Variants in OLFM3 observed in about 807,000 individuals in gnomAD.
The protein encoded by OLFM3 is olfactomedin 3.
Under a neutral mutation model 48.6 loss-of-function variants are expected in OLFM3, and 20 were observed. The observed-to-expected ratio is 0.41, with a 90% confidence interval of 0.29 to 0.60. The LOEUF is 0.60. Ranked by LOEUF, OLFM3 falls within the 20% of genes least tolerant of loss-of-function variation. The pLI, the probability that OLFM3 is intolerant of heterozygous loss-of-function variation, is 0.28. For missense variants in OLFM3, 437 were observed against 544.3 expected (o/e 0.80, Z 1.96); for synonymous variants, 222 against 198.1 (o/e 1.12, Z -1.01).
chr1:101,868,550 A>C (rs1656946285), intron 1 of OLFM3, among the ~76,000 whole-genome samples: 1 of 152,250 alleles, frequency 6.6e-6, no homozygotes, highest in Admixed American at 6.5e-5. Flanking sequence ...CAGAACATAC[A>C]AATTTGGAAA....
chr1:101,828,358 C>A (rs1184394431), intron 3 of OLFM3, among the ~76,000 whole-genome samples: 1 of 152,020 alleles, frequency 6.6e-6, no homozygotes, highest in African/African-American at 2.4e-5. Flanking sequence ...CAGAACTATA[C>A]CTTGAATATG....
intron 5 of OLFM3, 77 bp downstream of exon 5, chr1:101,805,999 G>T: frequency 9.5e-7 from 1 of 1,047,482 alleles, no homozygotes; most frequent in Non-Finnish European, 1.4e-6. Flanking sequence ...TATCCCTGAA[G>T]AAAATGAATA....
In OLFM3 at chr1:101,838,716, G is replaced by A. The variant is rs533341942; in HGVS notation, c.70-1691C>T. On this transcript the variant is annotated intron_variant, in intron 1 of 5. Transcript: ENST00000370103. ...GCTGGTCTCAGACTCCTGATCTCAGGTGATCCGCCTGCCTCAGCCTCCCAA... is the reference window on the plus strand; with the variant it reads ...GCTGGTCTCAGACTCCTGATCTCAGATGATCCGCCTGCCTCAGCCTCCCAA... Among the ~76,000 whole-genome samples, 310 of 152,258 alleles carry A rather than the reference G, an allele frequency of 2.0e-3. 1 individual carries two copies. Among genetic ancestry groups the A allele is most frequent in the African/African-American group, 7.1e-3 (296 of 41,518 alleles).
intron 1 of OLFM3, among the ~76,000 whole-genome samples, chr1:101,864,641 T>C (rs951831196): frequency 5.3e-5 from 8 of 152,158 alleles, no homozygotes; most frequent in African/African-American, 1.9e-4. Context: ...GAGGTTTTCT[T>C]GAGGAATGTG....
At chr1:101,926,588 G>C (rs1659276376) in intron 1 of OLFM3, among the ~76,000 whole-genome samples, 1 of 152,198 alleles carries the variant, frequency 6.6e-6, no homozygotes, top group African/African-American at 2.4e-5. Flanking sequence ...AATTTTAGCA[G>C]ATATAAGTGA....
chr1:101,935,611 C>T (rs1659589287), intron 1 of OLFM3, among the ~76,000 whole-genome samples: 1 of 152,062 alleles, frequency 6.6e-6, no homozygotes, highest in African/African-American at 2.4e-5. Context: ...GGGATTCCTC[C>T]CTAACTTATT....
intron 2 of OLFM3, among the ~76,000 whole-genome samples, chr1:101,834,736 A>G (rs1410656770): frequency 2.6e-5 from 4 of 152,198 alleles, no homozygotes. Context: ...GTTTTTTGTC[A>G]TTTATGTATT....
intron 1 of OLFM3, among the ~76,000 whole-genome samples, chr1:101,931,708 G>A (rs1343478506): frequency 6.6e-6 from 1 of 152,166 alleles, no homozygotes; most frequent in Non-Finnish European, 1.5e-5. Flanking sequence ...ATCCACAGGT[G>A]TTTTGACTTG....
chr1:101,907,727 G>T (rs1057285673), intron 1 of OLFM3, among the ~76,000 whole-genome samples: 1 of 152,160 alleles, frequency 6.6e-6, no homozygotes, highest in Non-Finnish European at 1.5e-5. Context: ...GACAAAAGTC[G>T]CTAATCAGTC....
At chr1:101,895,750 T>C (rs1181926823) in intron 1 of OLFM3, among the ~76,000 whole-genome samples, 3 of 152,224 alleles carry the variant, frequency 2.0e-5, no homozygotes, top group South Asian at 2.1e-4. Context: ...ATAATTGAAA[T>C]GGAAGAGAAT....
chr1:101,806,241 T>C, intron 4 of OLFM3, 59 bp from the exon 5 acceptor site: 1 of 1,259,628 alleles, frequency 7.9e-7, no homozygotes, highest in Non-Finnish European at 1.2e-6. Flanking sequence ...CCAATACGCA[T>C]ACTCACACTA....
intron 1 of OLFM3, among the ~76,000 whole-genome samples, chr1:101,944,055 A>G (rs1281370857): frequency 1.3e-5 from 2 of 150,392 alleles, no homozygotes; most frequent in Non-Finnish European, 3.0e-5. Context: ...TTTTATATAT[A>G]TATATAGTGG....
intron 1 of OLFM3, chr1:101,837,938 TA>T (rs2100926079): frequency 6.6e-6 from 1 of 152,356 alleles, no homozygotes; most frequent in Admixed American, 6.5e-5. Context: ...ATTAGGTATT[TA>T]ATGTATATTT....
intron 1 of OLFM3, among the ~76,000 whole-genome samples, chr1:101,867,577 T>A (rs1433422892): frequency 6.6e-6 from 1 of 152,226 alleles, no homozygotes; most frequent in African/African-American, 2.4e-5. Flanking sequence ...GTGAATTTCA[T>A]GATTATTTAT....
chr1:101,893,260 A>AAG, intron 1 of OLFM3: 2 of 309,364 alleles, frequency 6.5e-6, no homozygotes, highest in South Asian at 6.7e-5. Flanking sequence ...GAAAAAAAAA[A>AAG]GGAACAGTAC....
intron 1 of OLFM3, among the ~76,000 whole-genome samples, chr1:101,953,664 T>TC (rs1312283771): frequency 6.6e-6 from 1 of 152,146 alleles, no homozygotes; most frequent in Non-Finnish European, 1.5e-5. Context: ...GGCTGTGTTA[T>TC]CCAACCTATA....
chr1:101,949,191 A>G (rs574017676), intron 1 of OLFM3, among the ~76,000 whole-genome samples: 4 of 152,280 alleles, frequency 2.6e-5, no homozygotes, highest in African/African-American at 9.6e-5. Context: ...CTTGGTTTCC[A>G]AAACACCACT....
chr1:101,949,862 GGA>G (rs1660072916), intron 1 of OLFM3, among the ~76,000 whole-genome samples: 3 of 148,324 alleles, frequency 2.0e-5, no homozygotes, highest in Non-Finnish European at 4.5e-5. Flanking sequence ...CCCGGGAGGC[GGA>G]GCTTGCAGTG....
At chr1:101,949,042 T>C (rs1660042642) in intron 1 of OLFM3, among the ~76,000 whole-genome samples, 1 of 151,746 alleles carries the variant, frequency 6.6e-6, no homozygotes, top group Non-Finnish European at 1.5e-5. Flanking sequence ...AAAAAGTTCT[T>C]CCTATGTATT....
Sources: allele counts gnomAD v4.1 joint callset (sites outside exome capture counted in the v4.1 genomes callset), GRCh38; gene constraint gnomAD v4.1.1; transcripts MANE v1.5; gene names NCBI Gene and HGNC (gene_info 2026-07-23, HGNC 2026-07-21).